ERICH3: variants seen among roughly 807,000 people sequenced by gnomAD.
ERICH3 encodes glutamate rich 3, also known as glutamate-rich protein 3.
Under a neutral mutation model 131.1 loss-of-function variants are expected in ERICH3, and 126 were observed. That is an observed-to-expected ratio of 0.96 (90% CI 0.83 to 1.11). The LOEUF is 1.11. Among genes scored for constraint, ERICH3 ranks in the 50% most tolerant of loss-of-function variants. The pLI, the probability that ERICH3 is intolerant of heterozygous loss-of-function variation, is 0.00. For synonymous variants in ERICH3, 695 were observed against 644.6 expected (o/e 1.08, Z -1.18); for missense variants, 2,050 against 1,810.7 (o/e 1.13, Z -2.40).
intron 9 of ERICH3, among the ~76,000 whole-genome samples, chr1:74,608,713 T>C (rs538742012): frequency 6.6e-6 from 1 of 152,190 alleles, no homozygotes; most frequent in South Asian, 2.1e-4. Flanking sequence ...ATTATACTTA[T>C]CTCACCCATA....
At chr1:74,574,242 C>T (rs866651141) in intron 13 of ERICH3, among the ~76,000 whole-genome samples, 1 of 151,954 alleles carries the variant, frequency 6.6e-6, no homozygotes, top group Admixed American at 6.6e-5. Flanking sequence ...ATCTCAAACT[C>T]CCAAAGTGTT....
intron 1 of ERICH3, among the ~76,000 whole-genome samples, chr1:74,671,797 G>A (rs969691917): frequency 2.6e-5 from 4 of 152,084 alleles, no homozygotes; most frequent in South Asian, 2.1e-4. Context: ...TGCACCATCC[G>A]GCAATACCAT....
intron 1 of ERICH3, among the ~76,000 whole-genome samples, chr1:74,672,678 T>C (rs945488258): frequency 1.3e-5 from 2 of 152,232 alleles, no homozygotes; most frequent in African/African-American, 4.8e-5. Context: ...CTAGGATATT[T>C]ATCTTCTTAC....
intron 1 of ERICH3, 90 bp from the exon 2 acceptor site, chr1:74,649,405 A>C: frequency 3.3e-6 from 3 of 911,700 alleles, no homozygotes; most frequent in Non-Finnish European, 5.2e-6. Context: ...ATAGTGCATA[A>C]TCATTCACTC....
At chr1:74,636,477 T>A in intron 5 of ERICH3, 39 bp from the exon 6 acceptor site, 1 of 1,563,014 alleles carries the variant, frequency 6.4e-7, no homozygotes, top group South Asian at 1.2e-5. Context: ...TAAATTAGTA[T>A]CTTGACATGT....
At chr1:74,669,705 A>C (rs1646724294) in intron 1 of ERICH3, among the ~76,000 whole-genome samples, 1 of 152,234 alleles carries the variant, frequency 6.6e-6, no homozygotes, top group African/African-American at 2.4e-5. Flanking sequence ...AGAAGTTTTA[A>C]AAACCATTTT....
At chr1:74,662,817 A>C (rs1335734566) in intron 1 of ERICH3, among the ~76,000 whole-genome samples, 1 of 152,096 alleles carries the variant, frequency 6.6e-6, no homozygotes, top group Non-Finnish European at 1.5e-5. Flanking sequence ...GTGATGACTG[A>C]AATTATACCA....
intron 2 of ERICH3, among the ~76,000 whole-genome samples, chr1:74,647,485 T>G (rs1646496114): frequency 6.6e-6 from 1 of 152,166 alleles, no homozygotes; most frequent in African/African-American, 2.4e-5. Flanking sequence ...TGCATTAGCA[T>G]ACATAGAAGA....
In ERICH3 at chr1:74,572,395, T is replaced by C. The variant is rs1646969419; in HGVS notation, c.3315A>G (p.Thr1105=). The C allele has an allele frequency of 1.2e-6, 2 of 1,613,766 alleles. No homozygotes were observed. The highest frequency in any genetic ancestry group is 2.7e-5 in the African/African-American group (2 of 74,916). Residue 1105 remains threonine, a synonymous_variant, in exon 14 of 15, where the codon ACA becomes ACG. Transcript: ENST00000326665. ...CTTCCTCAGCTCTTACTTCTGTCTCTGTTTCCCCTTCTTCCGCTTTAAGTT... is the reference window on the plus strand; with the variant it reads ...CTTCCTCAGCTCTTACTTCTGTCTCCGTTTCCCCTTCTTCCGCTTTAAGTT... ...EQKLKAEEGE[T]ETEVRAEEET...
intron 11 of ERICH3, among the ~76,000 whole-genome samples, chr1:74,592,455 C>T (rs1052839399): frequency 2.2e-4 from 34 of 152,064 alleles, no homozygotes; most frequent in African/African-American, 7.5e-4. Context: ...TAATCAATGG[C>T]TTTCATTAAT....
Position 74,572,586 on chromosome 1 carries a change from T to C in ERICH3, c.3124A>G (p.Arg1042Gly), listed in dbSNP as rs967074875. ...EEMVTEAEAN[R>G]EDDRKEILPK... ...AAAATTTCTTTCCTATCATCTTCCCTATTAGCTTCTGCCTCAGTCACCATC... is the reference window on the plus strand; with the variant it reads ...AAAATTTCTTTCCTATCATCTTCCCCATTAGCTTCTGCCTCAGTCACCATC... The change falls in exon 14 of 15, where the codon AGG becomes GGG. Residue 1042 changes from arginine to glycine, a missense_variant. Arg to Gly is a moderately radical substitution (Grantham distance 125, BLOSUM62 -2). Transcript: ENST00000326665. 1.1e-5 allele frequency: 17 copies of C among 1,613,936 alleles called. No homozygotes were observed. The highest frequency in any genetic ancestry group is 1.4e-5 in the Non-Finnish European group (16 of 1,180,000).
intron 12 of ERICH3, among the ~76,000 whole-genome samples, chr1:74,583,416 CTAA>C (rs1647214439): frequency 6.6e-6 from 1 of 151,968 alleles, no homozygotes; most frequent in South Asian, 2.1e-4. Flanking sequence ...ACAACAATAA[CTAA>C]TAATAAAATA....
At position 74,572,524 on chromosome 1, in the gene ERICH3, T is replaced by A. The variant is rs1469416408; in HGVS notation, c.3186A>T (p.Lys1062Asn). Residue 1062 changes from lysine to asparagine, a missense_variant, in exon 14 of 15, where the codon AAA becomes AAT. Physicochemically the swap from Lys to Asn is moderately conservative, Grantham distance 94. Transcript: ENST00000326665. ...TCAGAGATGTTTTTGGCCTCTCAGC[T>A]TTCCTTCGCTCTCTTGCTAAATCTA... ...KELDLARERR[K>N]AERPKTSLRK... 2 of 1,614,124 alleles carry A rather than the reference T, an allele frequency of 1.2e-6. No individual in the cohort carries two copies. The highest frequency in any genetic ancestry group is 2.2e-5 in the South Asian group (2 of 91,080).
At chr1:74,614,382 A>AT (rs1557684054) in intron 8 of ERICH3, among the ~76,000 whole-genome samples, 15 of 151,180 alleles carry the variant, frequency 9.9e-5, no homozygotes, top group South Asian at 2.1e-4. Context: ...AAAAAAAAAA[A>AT]AAAAAAACTC....
chr1:74,568,776 C>T lies in ERICH3; in HGVS notation c.*1682G>A, dbSNP rs747361636. 2 of 152,274 alleles carry T rather than the reference C, an allele frequency of 1.3e-5. No individual in the cohort carries two copies. Among genetic ancestry groups the T allele is most frequent in the South Asian group, 4.1e-4 (2 of 4,826 alleles). 9.4% of individuals were successfully genotyped at this position (152,274 alleles called of 1,614,324 possible). The stretch of plus-strand genomic sequence containing the variant: ...CAAAGAAAGAAAGTTCAAAATGCCT[C>T]TGTAGTTGGCTTTCCAACTGAGACT... On this transcript the variant is annotated 3_prime_UTR_variant, in exon 15 of 15. Coordinates refer to ENST00000326665, the MANE Select transcript of ERICH3 (RefSeq NM_001002912.5).
Position 74,571,892 on chromosome 1 carries a change from G to A in ERICH3, c.3818C>T (p.Ala1273Val), listed in dbSNP as rs753067285. The change falls in exon 14 of 15, where the codon GCT becomes GTT. Residue 1273 changes from alanine (A) to valine (V), a missense_variant. Ala to Val is a moderately conservative substitution (Grantham distance 64, BLOSUM62 0). Coordinates refer to ENST00000326665, the MANE Select transcript of ERICH3 (RefSeq NM_001002912.5). ...GVDVVLRTQEAVAEEDPIMAE... is the reference protein window; with the variant it reads ...GVDVVLRTQEVVAEEDPIMAE... ...CATTATGGGATCTTCCTCAGCAACAGCTTCCTGGGTCCTTAGCACGACATC... is the reference window on the plus strand; with the variant it reads ...CATTATGGGATCTTCCTCAGCAACAACTTCCTGGGTCCTTAGCACGACATC... 1 of 1,611,988 alleles carries A rather than the reference G, an allele frequency of 6.2e-7. No individual in the cohort carries two copies. The highest frequency in any genetic ancestry group is 1.1e-5 in the South Asian group (1 of 91,082).
intron 2 of ERICH3, among the ~76,000 whole-genome samples, chr1:74,648,668 T>A (rs1433825364): frequency 6.6e-6 from 1 of 152,156 alleles, no homozygotes; most frequent in Non-Finnish European, 1.5e-5. Flanking sequence ...TGGAATACTA[T>A]AACATTTTGA....
intron 11 of ERICH3, among the ~76,000 whole-genome samples, chr1:74,598,124 G>T (rs1209859323): frequency 6.6e-6 from 1 of 151,580 alleles, no homozygotes; most frequent in Non-Finnish European, 1.5e-5. Flanking sequence ...CTTATATGTA[G>T]CTTTCTCTCT....
At position 74,589,978 on chromosome 1, in the gene ERICH3, C is replaced by T. The variant is rs1307706463; in HGVS notation, c.1829G>A (p.Ser610Asn). 2 of 1,613,988 alleles carry T rather than the reference C, an allele frequency of 1.2e-6. No homozygotes were observed. The highest frequency in any genetic ancestry group is 1.7e-6 in the Non-Finnish European group (2 of 1,179,934). ...VGDREAHTDS[S>N]TDESARRSSS... ...TGACCTTCTGGCACTTTCATCTGTGCTGCTGTCAGTGTGGGCTTCCCTGTC... is the reference window on the plus strand; with the variant it reads ...TGACCTTCTGGCACTTTCATCTGTGTTGCTGTCAGTGTGGGCTTCCCTGTC... The change falls in exon 12 of 15, where the codon AGC becomes AAC. Residue 610 changes from serine to asparagine, a missense_variant. Coordinates refer to ENST00000326665, the MANE Select transcript of ERICH3 (RefSeq NM_001002912.5).
Sources: allele counts gnomAD v4.1 joint callset (sites outside exome capture counted in the v4.1 genomes callset), GRCh38; gene constraint gnomAD v4.1.1; transcripts MANE v1.5; gene names NCBI Gene and HGNC (gene_info 2026-07-23, HGNC 2026-07-21).